The following MCC variants were observed in gnomAD, a reference collection of about 807,000 sequenced individuals.
MCC encodes MCC regulator of Wnt signaling pathway.
In MCC, 90 loss-of-function variants were observed where a neutral mutation model predicts 116.2. The ratio of observed to expected loss-of-function variants is 0.77; its 90% CI spans 0.65 to 0.92. The LOEUF is 0.92. Among genes scored for constraint, MCC ranks in the 40% least tolerant of loss-of-function variants. The pLI is 0.00. For missense variants in MCC, 1,516 were observed against 1,312.2 expected, an observed-to-expected ratio of 1.16 and a Z score of -2.40; for synonymous variants, 578 against 510.5, an observed-to-expected ratio of 1.13 and a Z score of -1.78.
intron 2 of MCC, among the ~76,000 whole-genome samples, chr5:113,377,563 C>T (rs1769017706): frequency 6.6e-6 from 1 of 152,078 alleles, no homozygotes; most frequent in East Asian, 1.9e-4. Flanking sequence ...GAGGAAACTC[C>T]AGTAATCAAG....
chr5:113,461,285 G>T (rs1771734400), intron 1 of MCC, among the ~76,000 whole-genome samples: 1 of 152,036 alleles, frequency 6.6e-6, no homozygotes, highest in African/African-American at 2.4e-5. Context: ...TAAAAACCAC[G>T]TTTTTCAAAT....
intron 3 of MCC, among the ~76,000 whole-genome samples, chr5:113,270,290 G>A (rs966399561): frequency 4.6e-5 from 7 of 152,022 alleles, no homozygotes; most frequent in African/African-American, 1.2e-4. Flanking sequence ...GGTCATCCAC[G>A]CCAGGGTGTC....
intron 3 of MCC, among the ~76,000 whole-genome samples, chr5:113,304,887 A>G (rs1766947851): frequency 6.6e-6 from 1 of 152,176 alleles, no homozygotes; most frequent in Admixed American, 6.5e-5. Context: ...TTTGGAGAAC[A>G]TGCTTAAATT....
At chr5:113,054,486 T>A (rs1322173540) in intron 14 of MCC, among the ~76,000 whole-genome samples, 2 of 152,254 alleles carry the variant, frequency 1.3e-5, no homozygotes, top group Non-Finnish European at 2.9e-5. Flanking sequence ...TCCTATGGCA[T>A]GATCCACAGA....
chr5:113,470,837 C>G (rs1176106401), intron 1 of MCC, among the ~76,000 whole-genome samples: 1 of 151,882 alleles, frequency 6.6e-6, no homozygotes, highest in Non-Finnish European at 1.5e-5. Context: ...TAGATTTGGT[C>G]TTTTCACATA....
intron 12 of MCC, among the ~76,000 whole-genome samples, chr5:113,069,852 C>T (rs1475305378): frequency 1.3e-5 from 2 of 152,200 alleles, no homozygotes; most frequent in Admixed American, 6.5e-5. Flanking sequence ...TCCTAAAATG[C>T]TGGGATTCCA....
chr5:113,365,019 T>C (rs1042305982), intron 2 of MCC, among the ~76,000 whole-genome samples: 7 of 152,202 alleles, frequency 4.6e-5, no homozygotes, highest in Non-Finnish European at 7.3e-5. Flanking sequence ...CTTTTCCCTA[T>C]TGTCTTGGCT....
chr5:113,282,751 A>T (rs2150357761), intron 3 of MCC, among the ~76,000 whole-genome samples: 1 of 152,304 alleles, frequency 6.6e-6, no homozygotes, highest in South Asian at 2.1e-4. Context: ...CTTCATCAAA[A>T]GTGCTCCCAA....
chr5:113,312,921 C>G (rs1171740777), intron 3 of MCC, among the ~76,000 whole-genome samples: 1 of 152,174 alleles, frequency 6.6e-6, no homozygotes, highest in Non-Finnish European at 1.5e-5. Flanking sequence ...GTCAAGCAAT[C>G]TGATTGGCAC....
intron 3 of MCC, among the ~76,000 whole-genome samples, chr5:113,184,763 G>A (rs1325549321): frequency 2.0e-5 from 3 of 152,060 alleles, no homozygotes; most frequent in Non-Finnish European, 4.4e-5. Flanking sequence ...AGAACTTCTG[G>A]GTAAAATCCT....
At chr5:113,135,753 G>A (rs1447255069) in intron 5 of MCC, among the ~76,000 whole-genome samples, 1 of 151,174 alleles carries the variant, frequency 6.6e-6, no homozygotes, top group Non-Finnish European at 1.5e-5. Context: ...TATATAAAAT[G>A]ATAGGAGAGG....
chr5:113,458,491 A>C (rs1340805929), intron 1 of MCC, among the ~76,000 whole-genome samples: 1 of 152,202 alleles, frequency 6.6e-6, no homozygotes, highest in Non-Finnish European at 1.5e-5. Flanking sequence ...ACTCACCGCG[A>C]GGGTCCATGG....
intron 2 of MCC, among the ~76,000 whole-genome samples, chr5:113,355,730 G>A (rs1458275424): frequency 6.6e-6 from 1 of 151,964 alleles, no homozygotes; most frequent in Non-Finnish European, 1.5e-5. Flanking sequence ...CTACTTATAA[G>A]GGCCCTAATC....
chr5:113,148,922 AC>A (rs888703339), intron 4 of MCC, among the ~76,000 whole-genome samples: 151 of 152,316 alleles, frequency 9.9e-4, no homozygotes, highest in African/African-American at 3.6e-3. Context: ...GGATGGCTTG[AC>A]CACAGGTAAG....
chr5:113,354,934 CAAT>C (rs1156775298), intron 2 of MCC, among the ~76,000 whole-genome samples: 1 of 151,552 alleles, frequency 6.6e-6, no homozygotes, highest in African/African-American at 2.4e-5. Flanking sequence ...TTTTCTGTCT[CAAT>C]ATTCTTATTG....
At chr5:113,085,129 G>A in intron 9 of MCC, 35 bp downstream of exon 9, 2 of 1,613,466 alleles carry the variant, frequency 1.2e-6, no homozygotes, top group Non-Finnish European at 1.7e-6. Context: ...AACAGGAGGT[G>A]TTCCCGCTCA....
chr5:113,263,778 T>A (rs765001439), intron 3 of MCC, among the ~76,000 whole-genome samples: 13 of 152,158 alleles, frequency 8.5e-5, no homozygotes, highest in Non-Finnish European at 1.8e-4. Flanking sequence ...CTGAAACGTT[T>A]ATGGTGTGGC....
At chr5:113,265,077 T>A (rs1765371505) in intron 3 of MCC, among the ~76,000 whole-genome samples, 1 of 152,176 alleles carries the variant, frequency 6.6e-6, no homozygotes, top group African/African-American at 2.4e-5. Flanking sequence ...ATGTCCATTT[T>A]GTTTACATAT....
chr5:113,055,810 A>C (rs2150224465), intron 14 of MCC, among the ~76,000 whole-genome samples: 1 of 152,342 alleles, frequency 6.6e-6, no homozygotes, highest in East Asian at 1.9e-4. Context: ...CATTAAAATC[A>C]AGAGACTACA....
Sources: gnomAD v4.1 joint callset for allele counts (sites outside exome capture counted in the v4.1 genomes callset) on GRCh38, gnomAD v4.1.1 for gene constraint, MANE v1.5 for transcripts, NCBI Gene and HGNC (gene_info 2026-07-23, HGNC 2026-07-21) for gene names.